Variants in ZC3H12B observed in about 807,000 individuals in gnomAD.
ZC3H12B encodes the protein probable ribonuclease ZC3H12B.
A neutral mutation model predicts 43.9 loss-of-function variants in ZC3H12B; 7 were observed. That is an observed-to-expected ratio of 0.16 (90% CI 0.09 to 0.30). The LOEUF is 0.30. Ranked by LOEUF, ZC3H12B falls within the 10% of genes least tolerant of loss-of-function variation. The probability of loss-of-function intolerance (pLI) is 1.00; values close to 1 mark genes in which losing one functional copy is unlikely to be tolerated. For synonymous variants in ZC3H12B, 222 were observed against 241.7 expected (o/e 0.92, Z 0.76); for missense variants, 475 against 670.2 (o/e 0.71, Z 3.22).
chrX:65,277,480 CA>C, the ZC3H12B span, among the ~76,000 whole-genome samples: 1 of 110,661 alleles, frequency 9.0e-6, no homozygotes, highest in East Asian at 2.8e-4. Context: ...AGACAAGTTT[CA>C]AAAAAAATTT....
intron 3 of ZC3H12B, among the ~76,000 whole-genome samples, chrX:65,438,416 C>G (rs2067251731): frequency 9.0e-6 from 1 of 111,287 alleles, no homozygotes; most frequent in African/African-American, 3.3e-5. Flanking sequence ...ATAGTTTTCA[C>G]TAAAAAGGTC....
the ZC3H12B span, among the ~76,000 whole-genome samples, chrX:65,203,959 C>A: frequency 8.9e-6 from 1 of 111,785 alleles, no homozygotes; most frequent in African/African-American, 3.2e-5. Context: ...ATAAATGGTT[C>A]CTCCGTGTGT....
the ZC3H12B span, among the ~76,000 whole-genome samples, chrX:65,089,775 A>G: frequency 9.0e-6 from 1 of 111,697 alleles, no homozygotes; most frequent in South Asian, 3.7e-4. Flanking sequence ...TTTATATTTT[A>G]CTTTTTAAAC....
At chrX:65,189,064 G>C in the ZC3H12B span, among the ~76,000 whole-genome samples, 1 of 100,369 alleles carries the variant, frequency 1.0e-5, no homozygotes, top group Admixed American at 1.1e-4. Flanking sequence ...TTTTGTTCTT[G>C]CGATAGTTTA....
chrX:65,080,823 A>G, the ZC3H12B span, among the ~76,000 whole-genome samples: 2 of 111,951 alleles, frequency 1.8e-5, no homozygotes, highest in Non-Finnish European at 3.8e-5. Context: ...ACAGAAAAAC[A>G]CAGAATATTA....
At chrX:65,154,697 G>T in the ZC3H12B span, among the ~76,000 whole-genome samples, 1 of 110,917 alleles carries the variant, frequency 9.0e-6, no homozygotes, top group Non-Finnish European at 1.9e-5. Context: ...AAAAATAAAA[G>T]AATTAGCTGG....
the ZC3H12B span, among the ~76,000 whole-genome samples, chrX:65,177,561 G>T: frequency 8.9e-6 from 1 of 112,211 alleles, no homozygotes; most frequent in East Asian, 2.8e-4. Context: ...CCCTTAAGCT[G>T]ATAAGCAACT....
upstream of ZC3H12B, among the ~76,000 whole-genome samples, chrX:65,362,287 C>T (rs1435757288): frequency 9.0e-6 from 1 of 111,329 alleles, no homozygotes; most frequent in African/African-American, 3.3e-5. Context: ...TGGAGGCTAC[C>T]CACTCCACAT....
the ZC3H12B span, among the ~76,000 whole-genome samples, chrX:65,063,874 G>A: frequency 1.1e-4 from 12 of 111,675 alleles, no homozygotes; most frequent in East Asian, 2.5e-3. Context: ...CTTCTTCCTG[G>A]TTTAGTCTTG....
chrX:65,346,916 G>C, the ZC3H12B span, among the ~76,000 whole-genome samples: 1 of 112,446 alleles, frequency 8.9e-6, no homozygotes, highest in Non-Finnish European at 1.9e-5. Flanking sequence ...ACTCTGAAGA[G>C]AGCAGCGGAC....
intron 3 of ZC3H12B, among the ~76,000 whole-genome samples, chrX:65,450,162 G>A (rs376993967): frequency 1.4e-4 from 15 of 105,734 alleles, no homozygotes; most frequent in Admixed American, 5.3e-4. Flanking sequence ...AAAATTAGCC[G>A]GGCGTGGTTG....
At chrX:65,220,750 G>A in the ZC3H12B span, among the ~76,000 whole-genome samples, 1 of 111,806 alleles carries the variant, frequency 8.9e-6, no homozygotes, top group Non-Finnish European at 1.9e-5. Flanking sequence ...CAAAATAATA[G>A]TGTGGGTCTT....
At chrX:65,193,068 A>T in the ZC3H12B span, among the ~76,000 whole-genome samples, 1 of 107,831 alleles carries the variant, frequency 9.3e-6, no homozygotes, top group Non-Finnish European at 1.9e-5. Flanking sequence ...CACCACCCCT[A>T]GCCTTTTGCA....
the ZC3H12B span, among the ~76,000 whole-genome samples, chrX:65,227,214 C>G: frequency 9.0e-6 from 1 of 111,484 alleles, no homozygotes; most frequent in South Asian, 3.7e-4. Context: ...AACTAGAACT[C>G]AGGATTAAGA....
At chrX:65,439,273 C>T (rs1283264151) in intron 3 of ZC3H12B, among the ~76,000 whole-genome samples, 2 of 111,662 alleles carry the variant, frequency 1.8e-5, no homozygotes, top group African/African-American at 6.5e-5. Flanking sequence ...GTTGAGGTGC[C>T]ACTATACCAC....
chrX:65,453,102 T>A (rs1426459540), intron 3 of ZC3H12B, among the ~76,000 whole-genome samples: 2 of 107,714 alleles, frequency 1.9e-5, no homozygotes, highest in East Asian at 5.9e-4. Context: ...GACTTCAAAT[T>A]ATACCATAAG....
chrX:65,289,633 T>A, the ZC3H12B span, among the ~76,000 whole-genome samples: 1 of 109,681 alleles, frequency 9.1e-6, no homozygotes, highest in South Asian at 3.8e-4. Flanking sequence ...ATGGTATTGG[T>A]AAAAAATAGA....
chrX:65,450,751 ATG>A (rs373380827), intron 3 of ZC3H12B, among the ~76,000 whole-genome samples: 1 of 46,104 alleles, frequency 2.2e-5, no homozygotes. Flanking sequence ...ATATATACAT[ATG>A]TGTATATATG....
chrX:65,381,652 A>C lies in ZC3H12B; in HGVS notation n.295+12654A>C, dbSNP rs1233562610. On this transcript the variant is annotated intron_variant and non_coding_transcript_variant, in intron 2 of 5. Coordinates refer to the ZC3H12B transcript ENST00000617377. Reference sequence around the variant, plus strand: ...GACACAAAAAAACCTTCAAAAAATCAATGAATCCAGGAGCTGGTTTTTTGA... The same window carrying C: ...GACACAAAAAAACCTTCAAAAAATCCATGAATCCAGGAGCTGGTTTTTTGA... 3.6e-5 allele frequency among the ~76,000 whole-genome samples: 4 copies of C among 112,108 alleles called. No individual in the cohort carries two copies. In the East Asian group the frequency reaches 1.1e-3, roughly 31 times the overall value.
Sources: allele counts gnomAD v4.1 joint callset (sites outside exome capture counted in the v4.1 genomes callset), GRCh38; gene constraint gnomAD v4.1.1; transcripts MANE v1.5; gene names NCBI Gene and HGNC (gene_info 2026-07-23, HGNC 2026-07-21).